The following MALRD1 variants were observed in gnomAD, a reference collection of about 807,000 sequenced individuals.
The protein encoded by MALRD1 is MAM and LDL-receptor class A domain-containing protein 1.
Under a neutral mutation model 242.1 loss-of-function variants are expected in MALRD1, and 247 were observed. The ratio of observed to expected loss-of-function variants is 1.02; its 90% confidence interval spans 0.92 to 1.13. The LOEUF (loss-of-function observed/expected upper bound fraction) is 1.13. Ranked by LOEUF, MALRD1 falls within the 50% of genes most tolerant of loss-of-function variation. MALRD1 has a pLI of 0.00. For synonymous variants in MALRD1, 995 were observed against 866.6 expected (o/e 1.15, Z -2.60); for missense variants, 2,989 against 2,533.1 (o/e 1.18, Z -3.86).
At chr10:19,400,083 CAT>C (rs1271916770) in intron 28 of MALRD1, among the ~76,000 whole-genome samples, 1 of 152,118 alleles carries the variant, frequency 6.6e-6, no homozygotes, top group Non-Finnish European at 1.5e-5. Flanking sequence ...GCGATTTAAA[CAT>C]ATATTTAGTG....
chr10:19,688,084 C>G (rs748059150), intron 36 of MALRD1, among the ~76,000 whole-genome samples: 29 of 152,100 alleles, frequency 1.9e-4, no homozygotes, highest in African/African-American at 7.0e-4. Context: ...GTTCTCCTGC[C>G]TCAGCCTCCC....
chr10:19,278,259 C>T (rs1351920578), intron 19 of MALRD1, among the ~76,000 whole-genome samples: 1 of 152,060 alleles, frequency 6.6e-6, no homozygotes, highest in Non-Finnish European at 1.5e-5. Context: ...CCCATAAAGA[C>T]CTTGTATTCT....
At chr10:19,502,166 G>T (rs1037348522) in intron 31 of MALRD1, among the ~76,000 whole-genome samples, 41 of 152,140 alleles carry the variant, frequency 2.7e-4, no homozygotes, top group African/African-American at 9.6e-4. Flanking sequence ...CACTTGAAAG[G>T]TCTGAACTGT....
At chr10:19,349,612 T>G (rs1844284719) in intron 25 of MALRD1, among the ~76,000 whole-genome samples, 1 of 152,188 alleles carries the variant, frequency 6.6e-6, no homozygotes, top group African/African-American at 2.4e-5. Flanking sequence ...TTTATCTGTT[T>G]TTGCTGTCTT....
intron 18 of MALRD1, among the ~76,000 whole-genome samples, chr10:19,224,998 T>C (rs902401563): frequency 1.3e-5 from 2 of 152,234 alleles, no homozygotes; most frequent in African/African-American, 4.8e-5. Flanking sequence ...TTAATCCATC[T>C]TGAGTTAATT....
At chr10:19,119,027 T>C (rs1294438325) in intron 5 of MALRD1, among the ~76,000 whole-genome samples, 1 of 152,074 alleles carries the variant, frequency 6.6e-6, no homozygotes, top group African/African-American at 2.4e-5. Context: ...AAAGAGATGA[T>C]GTTTCCTGAG....
At chr10:19,581,322 A>C (rs1589263270) in intron 33 of MALRD1, among the ~76,000 whole-genome samples, 1 of 147,250 alleles carries the variant, frequency 6.8e-6, no homozygotes, top group East Asian at 2.1e-4. Context: ...GCACCCACTA[A>C]CTCGTCATCT....
intron 26 of MALRD1, among the ~76,000 whole-genome samples, chr10:19,375,581 T>C (rs1845560683): frequency 6.6e-6 from 1 of 152,190 alleles, no homozygotes; most frequent in African/African-American, 2.4e-5. Context: ...TTGGAAGGTA[T>C]GACCTTATAA....
intron 9 of MALRD1, among the ~76,000 whole-genome samples, chr10:19,135,698 T>C (rs578002073): frequency 6.6e-6 from 1 of 152,336 alleles, no homozygotes; most frequent in East Asian, 1.9e-4. Flanking sequence ...TTTTATTTTA[T>C]TTTCATTAAT....
chr10:19,657,412 T>A (rs1841205826), intron 36 of MALRD1, among the ~76,000 whole-genome samples: 1 of 152,096 alleles, frequency 6.6e-6, no homozygotes, highest in Admixed American at 6.6e-5. Context: ...AAGAACACAC[T>A]CCAGCCCAGG....
intron 21 of MALRD1, among the ~76,000 whole-genome samples, chr10:19,290,926 A>G (rs776829390): frequency 3.5e-4 from 53 of 152,218 alleles, no homozygotes; most frequent in Non-Finnish European, 5.6e-4. Context: ...CAATTAGTTT[A>G]ATTGGTCAAG....
At chr10:19,444,948 A>C (rs1433105215) in intron 28 of MALRD1, among the ~76,000 whole-genome samples, 1 of 152,188 alleles carries the variant, frequency 6.6e-6, no homozygotes, top group Non-Finnish European at 1.5e-5. Flanking sequence ...TACACCAATC[A>C]GATGTAGATT....
chr10:19,730,204 A>G (rs1835232006), intron 38 of MALRD1, among the ~76,000 whole-genome samples: 2 of 152,222 alleles, frequency 1.3e-5, no homozygotes, highest in South Asian at 4.1e-4. Flanking sequence ...AAACAGTTGT[A>G]TTTAAATTTG....
intron 31 of MALRD1, among the ~76,000 whole-genome samples, chr10:19,502,090 C>A (rs1838004744): frequency 6.6e-6 from 1 of 151,114 alleles, no homozygotes; most frequent in African/African-American, 2.4e-5. Flanking sequence ...AAAAGAAAAT[C>A]CAGTATACAT....
At chr10:19,309,047 G>A (rs1842329828) in intron 21 of MALRD1, among the ~76,000 whole-genome samples, 1 of 151,354 alleles carries the variant, frequency 6.6e-6, no homozygotes, top group Non-Finnish European at 1.5e-5. Flanking sequence ...CAAATGCATT[G>A]GAAATTACAG....
intron 28 of MALRD1, among the ~76,000 whole-genome samples, chr10:19,431,905 T>C (rs967971293): frequency 6.6e-6 from 1 of 152,186 alleles, no homozygotes; most frequent in African/African-American, 2.4e-5. Flanking sequence ...CCTTGCTGCC[T>C]TTACTTATTA....
intron 24 of MALRD1, among the ~76,000 whole-genome samples, chr10:19,341,586 ACT>A (rs1554835850): frequency 3.6e-5 from 2 of 55,846 alleles, no homozygotes; most frequent in Non-Finnish European, 7.2e-5. Context: ...TATATAAAAC[ACT>A]CACACACACA....
At chr10:19,204,283 T>C (rs2131615737) in intron 15 of MALRD1, 25 bp from the exon 16 acceptor site, 1 of 847,964 alleles carries the variant, frequency 1.2e-6, no homozygotes, top group Non-Finnish European at 1.6e-6. Flanking sequence ...AATGAAGCGT[T>C]TTTTTTTTTT....
chr10:19,204,387 A>G lies in MALRD1; in HGVS notation c.2184A>G (p.Thr728=), dbSNP rs1289911361. 6 of 1,548,588 alleles carry G rather than the reference A, an allele frequency of 3.9e-6. No individual in the cohort carries two copies. Among genetic ancestry groups the G allele is most frequent in the East Asian group, 4.9e-5 (2 of 40,868 alleles). Residue 728 remains threonine, a synonymous_variant, in exon 16 of 40, where the codon ACA becomes ACG. Coordinates refer to ENST00000454679, the MANE Select transcript of MALRD1 (RefSeq NM_001142308.3). The part of the protein sequence containing the change: ...AKLQSPTFSQ[T]GPGCILSFWF... Reference sequence around the variant, plus strand: ...TTCAGAGCCCAACTTTCAGCCAGACAGGACCTGGATGCATACTTTCCTTCT... The same window carrying G: ...TTCAGAGCCCAACTTTCAGCCAGACGGGACCTGGATGCATACTTTCCTTCT...
Sources: allele counts gnomAD v4.1 joint callset (sites outside exome capture counted in the v4.1 genomes callset), GRCh38; gene constraint gnomAD v4.1.1; transcripts MANE v1.5; gene names NCBI Gene and HGNC (gene_info 2026-07-23, HGNC 2026-07-21).